The following ANK2 variants were observed in gnomAD, a reference collection of about 807,000 sequenced individuals.
ANK2 encodes ankyrin 2.
In ANK2, 83 loss-of-function variants were observed where a neutral mutation model predicts 360.5. The observed-to-expected ratio is 0.23, with a 90% CI of 0.19 to 0.28. The LOEUF (loss-of-function observed/expected upper bound fraction) is 0.28. Ranked by LOEUF, ANK2 falls within the 10% of genes least tolerant of loss-of-function variation. The probability of loss-of-function intolerance (pLI) is 1.00; values close to 1 mark genes in which losing one functional copy is unlikely to be tolerated. For synonymous variants in ANK2, 1,740 were observed against 1,759.5 expected (o/e 0.99, Z 0.28); for missense variants, 4,201 against 4,795.7 (o/e 0.88, Z 3.66).
intron 10 of ANK2, among the ~76,000 whole-genome samples, chr4:113,254,870 T>G (rs942056204): frequency 1.3e-5 from 2 of 152,218 alleles, no homozygotes; most frequent in Non-Finnish European, 2.9e-5. Flanking sequence ...TTTGCATTGG[T>G]ATTAATAAAA....
chr4:112,798,319 T>G, the ANK2 span: 1 of 152,128 alleles, frequency 6.6e-6, no homozygotes, highest in African/African-American at 2.4e-5. Flanking sequence ...GAGACAGAGT[T>G]TCTCTTTTGT....
chr4:113,241,263 C>T (rs1236494313), intron 8 of ANK2, among the ~76,000 whole-genome samples: 1 of 152,138 alleles, frequency 6.6e-6, no homozygotes, highest in Non-Finnish European at 1.5e-5. Context: ...ACTAAGAAGT[C>T]ATCTGCACTG....
At chr4:112,827,660 A>G (rs188835922) in intron 1 of ANK2, 1 of 721,286 alleles carries the variant, frequency 1.4e-6, no homozygotes, top group Admixed American at 2.3e-5. Flanking sequence ...GAAGACACAA[A>G]GAGCATTGTT....
At position 113,272,030 on chromosome 4, in the gene ANK2, C is replaced by G. The variant is rs957496124; in HGVS notation, c.1486-2422C>G. 2.6e-5 allele frequency among the ~76,000 whole-genome samples: 4 copies of G among 152,190 alleles called. No individual in the cohort carries two copies. In the East Asian group the frequency reaches 7.7e-4, roughly 29 times the overall value. On this transcript the variant is annotated intron_variant, in intron 14 of 45. Transcript: ENST00000357077. ...CATTTGCTTTAGGGATCGAGCAATC[C>G]CAGGGGTCCTAGGCTTAAACTCACT...
intron 1 of ANK2, among the ~76,000 whole-genome samples, chr4:112,859,100 C>T (rs964909042): frequency 6.6e-6 from 1 of 152,186 alleles, no homozygotes; most frequent in Non-Finnish European, 1.5e-5. Context: ...CGCTCGGAGG[C>T]AGACACAAGA....
intron 26 of ANK2, among the ~76,000 whole-genome samples, chr4:113,327,176 A>G (rs1386986639): frequency 1.3e-5 from 2 of 152,118 alleles, no homozygotes; most frequent in Admixed American, 1.3e-4. Flanking sequence ...AAGTGCTATT[A>G]TTTTGATTTT....
chr4:113,293,082 G>C, intron 21 of ANK2: 1 of 382,488 alleles, frequency 2.6e-6, no homozygotes, highest in South Asian at 2.1e-5. Context: ...CTTCTGATGA[G>C]GGATAAGTGT....
intron 15 of ANK2, among the ~76,000 whole-genome samples, chr4:113,276,212 AT>A (rs2060209184): frequency 6.6e-6 from 1 of 152,118 alleles, no homozygotes; most frequent in African/African-American, 2.4e-5. Context: ...AAGTGCTGGG[AT>A]TACAGGAGTG....
At chr4:113,036,446 A>T (rs1446672527) in intron 2 of ANK2, among the ~76,000 whole-genome samples, 1 of 151,904 alleles carries the variant, frequency 6.6e-6, no homozygotes, top group Non-Finnish European at 1.5e-5. Flanking sequence ...CATGAGGCTT[A>T]AAATCTGAGT....
At chr4:112,941,063 A>G (rs961910964) in intron 2 of ANK2, among the ~76,000 whole-genome samples, 1 of 152,024 alleles carries the variant, frequency 6.6e-6, no homozygotes, top group Non-Finnish European at 1.5e-5. Context: ...CTTTAGCATA[A>G]AAGTTACTAA....
the ANK2 span, among the ~76,000 whole-genome samples, chr4:112,795,685 G>A: frequency 6.6e-6 from 1 of 152,000 alleles, no homozygotes; most frequent in African/African-American, 2.4e-5. Context: ...TGTTTTTTTA[G>A]TAGAGATGGG....
chr4:113,157,495 A>G (rs904705816), intron 1 of ANK2, among the ~76,000 whole-genome samples: 9 of 152,250 alleles, frequency 5.9e-5, no homozygotes, highest in Admixed American at 3.9e-4. Context: ...CACTCTTGAA[A>G]TAATATAACC....
chr4:113,146,025 A>G, intron 1 of ANK2: 3 of 1,289,598 alleles, frequency 2.3e-6, no homozygotes, highest in Non-Finnish European at 3.0e-6. Flanking sequence ...GCCACAAAGG[A>G]GGAGGAAGGG....
intron 2 of ANK2, among the ~76,000 whole-genome samples, chr4:113,017,045 C>T (rs187139256): frequency 1.1e-4 from 17 of 152,250 alleles, no homozygotes; most frequent in Admixed American, 7.2e-4. Context: ...ATGTGGTATA[C>T]CACATGCAAA....
At chr4:113,256,373 T>C (rs1204434633) in intron 11 of ANK2, among the ~76,000 whole-genome samples, 1 of 152,232 alleles carries the variant, frequency 6.6e-6, no homozygotes, top group Non-Finnish European at 1.5e-5. Context: ...GGGTATAAAA[T>C]GTAAGTCTAT....
At chr4:112,963,296 C>T (rs1056310833) in intron 2 of ANK2, among the ~76,000 whole-genome samples, 1 of 152,048 alleles carries the variant, frequency 6.6e-6, no homozygotes, top group Admixed American at 6.6e-5. Context: ...CCATTTACAC[C>T]TTTAGAGCTT....
intron 1 of ANK2, among the ~76,000 whole-genome samples, chr4:113,103,141 T>TC (rs2093148832): frequency 6.6e-6 from 1 of 152,172 alleles, no homozygotes; most frequent in Admixed American, 6.6e-5. Context: ...TCCTGTGTTG[T>TC]CTACTCCTGA....
intron 1 of ANK2, among the ~76,000 whole-genome samples, chr4:113,141,822 A>G (rs1336427793): frequency 6.6e-6 from 1 of 152,234 alleles, no homozygotes; most frequent in Non-Finnish European, 1.5e-5. Flanking sequence ...CTTTCAGAAG[A>G]TTAAAGCTGA....
chr4:113,045,074 A>G (rs749615268), upstream of ANK2, among the ~76,000 whole-genome samples: 5 of 152,144 alleles, frequency 3.3e-5, no homozygotes, highest in Non-Finnish European at 5.9e-5. Flanking sequence ...TTGACTCACA[A>G]ATGGAGATAA....
Sources: gnomAD v4.1 joint callset for allele counts (sites outside exome capture counted in the v4.1 genomes callset) on GRCh38, gnomAD v4.1.1 for gene constraint, MANE v1.5 for transcripts, NCBI Gene and HGNC (gene_info 2026-07-23, HGNC 2026-07-21) for gene names.